Variants in COQ3 observed in about 807,000 individuals in gnomAD.
The protein encoded by COQ3 is coenzyme Q3, methyltransferase.
A neutral mutation model predicts 33.1 loss-of-function variants in COQ3; 29 were observed. The observed-to-expected ratio is 0.88, with a 90% confidence interval of 0.65 to 1.19. COQ3 has a LOEUF of 1.19. Ranked by LOEUF, COQ3 falls within the 50% of genes most tolerant of loss-of-function variation. COQ3 has a pLI of 0.00. For synonymous variants in COQ3, 173 were observed against 157.8 expected, an observed-to-expected ratio of 1.10 and a Z score of -0.72; for missense variants, 437 against 430.7, an observed-to-expected ratio of 1.01 and a Z score of -0.13.
At chr6:99,382,044 T>G (rs1048294808) in intron 2 of COQ3, among the ~76,000 whole-genome samples, 1 of 152,156 alleles carries the variant, frequency 6.6e-6, no homozygotes, top group Non-Finnish European at 1.5e-5. Flanking sequence ...GGCTATGTGA[T>G]TATCTGATCG....
intron 2 of COQ3, 28 bp downstream of exon 2, chr6:99,383,670 A>G (rs925003736): frequency 6.6e-7 from 1 of 1,522,964 alleles, no homozygotes; most frequent in Admixed American, 2.2e-5. Flanking sequence ...AATTACGTGA[A>G]TATTTGCCAC....
At chr6:99,382,276 T>C (rs186057910) in intron 2 of COQ3, among the ~76,000 whole-genome samples, 2 of 152,272 alleles carry the variant, frequency 1.3e-5, no homozygotes, top group East Asian at 3.9e-4. Flanking sequence ...AGGGATTAGA[T>C]AGACACTACA....
chr6:99,370,343 A>ATTT lies in COQ3; in HGVS notation c.890-524_890-523insAAA, dbSNP rs1774095777. Among the ~76,000 whole-genome samples the ATTT allele has an allele frequency of 2.9e-3, 173 of 60,418 alleles. 4 individuals are homozygous for ATTT. Among genetic ancestry groups the ATTT allele is most frequent in the African/African-American group, 0.01 (153 of 15,284 alleles). 39.6% of individuals were successfully genotyped at this position (60,418 alleles called of 152,430 possible). A position where few individuals can be genotyped will look rare whatever the true frequency, so the allele number is the denominator to read the frequency against. ...TTTCTTTCTTTCTTTTCTTTTCTTTACTTTTTTTTTTTTTTTTTTTTGTGA... is the reference window on the plus strand; with the variant it reads ...TTTCTTTCTTTCTTTTCTTTTCTTTATTTCTTTTTTTTTTTTTTTTTTTTGTGA... On this transcript the variant is annotated intron_variant, in intron 6 of 6. Coordinates refer to ENST00000254759, the MANE Select transcript of COQ3 (RefSeq NM_017421.4).
At chr6:99,388,159 C>T (rs963719854) in intron 1 of COQ3, among the ~76,000 whole-genome samples, 6 of 151,698 alleles carry the variant, frequency 4.0e-5, no homozygotes, top group Admixed American at 1.3e-4. Flanking sequence ...AGCGAAACTC[C>T]ATCTCCAAAA....
chr6:99,377,202 G>A (rs1774312285), intron 4 of COQ3, among the ~76,000 whole-genome samples, 184 bp downstream of exon 4: 1 of 151,642 alleles, frequency 6.6e-6, no homozygotes, highest in African/African-American at 2.4e-5. Flanking sequence ...TAGAGACAGG[G>A]TTTCGCCATG....
chr6:99,383,721 A>G lies in COQ3; in HGVS notation c.210T>C (p.Cys70=), dbSNP rs781003608. 3 of 1,597,724 alleles carry G rather than the reference A, an allele frequency of 1.9e-6. No individual in the cohort carries two copies. The highest frequency in any genetic ancestry group is 2.6e-6 in the Non-Finnish European group (3 of 1,174,892). Residue 70 remains cysteine (C), a synonymous_variant, in exon 2 of 7, where the codon TGT becomes TGC. Coordinates refer to ENST00000254759, the MANE Select transcript of COQ3 (RefSeq NM_017421.4). The stretch of plus-strand genomic sequence containing the variant: ...ACCTGAAACTCTTTATTCTGTTCAA[A>G]CAGGAAAAGATCGTCCTGTAGGATT... ...WFKSYRTIFS[C]LNRIKSFRYP... is the part of the protein sequence containing the mutation.
In COQ3 at chr6:99,382,322, T is replaced by C. The variant is rs572120003; in HGVS notation, c.233+1376A>G. Among the ~76,000 whole-genome samples, 261 of 152,220 alleles carry C rather than the reference T, an allele frequency of 1.7e-3. 4 individuals are homozygous for C. The highest frequency in any genetic ancestry group is 9.6e-4 in the Non-Finnish European group (65 of 68,032). On this transcript the variant is annotated intron_variant, in intron 2 of 6. Transcript: ENST00000254759. ...TGTAGAAGCATATAGTATAGAAAAATCCTTCAAAGGGCTGCTCAGGTAAAA... is the reference window on the plus strand; with the variant it reads ...TGTAGAAGCATATAGTATAGAAAAACCCTTCAAAGGGCTGCTCAGGTAAAA...
intron 4 of COQ3, 139 bp from the exon 5 acceptor site, chr6:99,376,321 T>C: frequency 3.6e-6 from 3 of 836,226 alleles, no homozygotes; most frequent in South Asian, 1.9e-5. Context: ...TGGAAACTCA[T>C]ATACCATTTT....
intron 2 of COQ3, among the ~76,000 whole-genome samples, chr6:99,383,314 A>T (rs1774525685): frequency 6.6e-6 from 1 of 152,214 alleles, no homozygotes; most frequent in Non-Finnish European, 1.5e-5. Flanking sequence ...TAAAAATTTT[A>T]AAATATTGTA....
chr6:99,369,619 T>C lies in COQ3; in HGVS notation c.1091A>G (p.His364Arg), dbSNP rs776907372. ...QANACTNPAV[H>R]EKLKK The stretch of plus-strand genomic sequence containing the variant: ...AACAATTCATTTCTTCAGCTTTTCA[T>C]GCACAGCTGGATTGGTGCAGGCATT... Residue 364 changes from histidine to arginine, a missense_variant, in exon 7 of 7, where the codon CAT (histidine) becomes CGT (arginine). His to Arg is a conservative substitution (Grantham distance 29). Coordinates refer to ENST00000254759, the MANE Select transcript of COQ3 (RefSeq NM_017421.4). 2 of 1,613,598 alleles carry C rather than the reference T, an allele frequency of 1.2e-6. No individual in the cohort carries two copies. Among genetic ancestry groups the C allele is most frequent in the South Asian group, 1.1e-5 (1 of 90,972 alleles).
chr6:99,391,561 T>C (rs1774831253), intron 1 of COQ3, among the ~76,000 whole-genome samples: 2 of 150,122 alleles, frequency 1.3e-5, no homozygotes, highest in Non-Finnish European at 2.9e-5. Context: ...ATATAAGGTA[T>C]TACTATTATG....
At chr6:99,370,344 C>CTTTTTTTTTTTT in intron 6 of COQ3, among the ~76,000 whole-genome samples, 27 of 101,210 alleles carry the variant, frequency 2.7e-4, no homozygotes, top group African/African-American at 3.5e-4. Context: ...CTTTTCTTTA[C>CTTTTTTTTTTTT]TTTTTTTTTT....
At chr6:99,374,168 A>G (rs1488750614) in intron 5 of COQ3, among the ~76,000 whole-genome samples, 1 of 151,892 alleles carries the variant, frequency 6.6e-6, no homozygotes, top group Non-Finnish European at 1.5e-5. Context: ...CGAGCTCTGT[A>G]GTGCAGTTAA....
chr6:99,386,829 C>T (rs1774666138), intron 1 of COQ3, among the ~76,000 whole-genome samples: 1 of 152,160 alleles, frequency 6.6e-6, no homozygotes, highest in Non-Finnish European at 1.5e-5. Context: ...TCTCGGATGG[C>T]TTCGCTGGTG....
At chr6:99,391,350 T>G (rs537642619) in intron 1 of COQ3, among the ~76,000 whole-genome samples, 1 of 152,000 alleles carries the variant, frequency 6.6e-6, no homozygotes, top group South Asian at 2.1e-4. Flanking sequence ...GCGATCCACC[T>G]GCCTCGACCT....
rs376744249 is a variant in COQ3 at position 99,378,405 on chromosome 6, A to G, written c.387-920T>C. Among the ~76,000 whole-genome samples, 10 of 152,148 alleles carry G rather than the reference A, an allele frequency of 6.6e-5. No individual in the cohort carries two copies. In the East Asian group the frequency reaches 1.9e-3, roughly 29 times the overall value. ...ACAGCTAAAATGACTCCTTTACATC[A>G]TAATTTAGATCATATCACTTTCCTT... On this transcript the variant is annotated intron_variant, in intron 3 of 6. Coordinates refer to ENST00000254759, the MANE Select transcript of COQ3 (RefSeq NM_017421.4).
At chr6:99,382,464 CA>C (rs1774500938) in intron 2 of COQ3, among the ~76,000 whole-genome samples, 1 of 152,132 alleles carries the variant, frequency 6.6e-6, no homozygotes, top group East Asian at 1.9e-4. Flanking sequence ...TTTTAAGATT[CA>C]AGTGTCATTC....
At chr6:99,376,853 G>T (rs1774297577) in intron 4 of COQ3, among the ~76,000 whole-genome samples, 1 of 151,894 alleles carries the variant, frequency 6.6e-6, no homozygotes, top group Admixed American at 6.6e-5. Context: ...ATCCCAGCTA[G>T]TTGGGAGGCT....
intron 1 of COQ3, among the ~76,000 whole-genome samples, chr6:99,392,540 A>G (rs1482091661): frequency 6.6e-6 from 1 of 150,856 alleles, no homozygotes; most frequent in African/African-American, 2.4e-5. Flanking sequence ...TCTGCCCTCC[A>G]CCTACACACT....
Sources: allele counts gnomAD v4.1 joint callset (sites outside exome capture counted in the v4.1 genomes callset), GRCh38; gene constraint gnomAD v4.1.1; transcripts MANE v1.5; gene names NCBI Gene and HGNC (gene_info 2026-07-23, HGNC 2026-07-21).